IL1RAPL2: variants seen among roughly 807,000 people sequenced by gnomAD.
The protein encoded by IL1RAPL2 is interleukin 1 receptor accessory protein like 2.
IL1RAPL2 carries 3 observed loss-of-function variants against 44.1 expected under a neutral mutation model. That is an observed-to-expected ratio of 0.07 (90% confidence interval 0.03 to 0.18). The LOEUF is 0.18. Ranked by LOEUF, IL1RAPL2 falls within the 10% of genes least tolerant of loss-of-function variation. The probability of loss-of-function intolerance (pLI) is 1.00; values close to 1 mark genes in which losing one functional copy is unlikely to be tolerated. For synonymous variants in IL1RAPL2, 181 were observed against 178.8 expected (o/e 1.01, Z -0.10); for missense variants, 391 against 496.4 (o/e 0.79, Z 2.02).
intron 5 of IL1RAPL2, among the ~76,000 whole-genome samples, chrX:105,322,423 A>C (rs1248747158): frequency 8.9e-6 from 1 of 112,133 alleles, no homozygotes; most frequent in East Asian, 2.8e-4. Flanking sequence ...GTTGAAATCA[A>C]GTTGTTGTTT....
chrX:104,811,121 C>T (rs2147618608), intron 2 of IL1RAPL2, among the ~76,000 whole-genome samples: 1 of 111,293 alleles, frequency 9.0e-6, no homozygotes, highest in African/African-American at 3.3e-5. Context: ...TAGATAGTAC[C>T]TACCTGTAAG....
At chrX:104,853,763 C>T (rs778488586) in intron 2 of IL1RAPL2, among the ~76,000 whole-genome samples, 2 of 108,143 alleles carry the variant, frequency 1.8e-5, no homozygotes, top group East Asian at 5.9e-4. Flanking sequence ...ATTAGCCAGG[C>T]GTGGTAGCGG....
chrX:105,210,874 A>G (rs1351790380), intron 3 of IL1RAPL2, among the ~76,000 whole-genome samples: 3 of 110,602 alleles, frequency 2.7e-5, no homozygotes, highest in African/African-American at 9.9e-5. Context: ...TTGTGTCTCA[A>G]TCTGGTTCAG....
At chrX:105,579,264 G>A (rs1446041529) in intron 6 of IL1RAPL2, among the ~76,000 whole-genome samples, 1 of 110,998 alleles carries the variant, frequency 9.0e-6, no homozygotes, top group African/African-American at 3.3e-5. Context: ...ATTTACATGA[G>A]GAAAACAAAA....
At chrX:105,576,950 C>T (rs1208611346) in intron 6 of IL1RAPL2, among the ~76,000 whole-genome samples, 1 of 111,375 alleles carries the variant, frequency 9.0e-6, no homozygotes. Flanking sequence ...TATGACAAGA[C>T]TGACATGAAA....
intron 2 of IL1RAPL2, among the ~76,000 whole-genome samples, chrX:104,692,555 T>A (rs62589823): frequency 0.38 from 40,288 of 106,575 alleles, 6,060 homozygotes; most frequent in East Asian, 0.46. Context: ...CCTGTGTCCA[T>A]GTGTTCTCAG....
chrX:105,257,814 A>G (rs1314400622), intron 4 of IL1RAPL2, among the ~76,000 whole-genome samples: 4 of 111,976 alleles, frequency 3.6e-5, no homozygotes, highest in Non-Finnish European at 7.5e-5. Flanking sequence ...TTTTGAGCCT[A>G]TGAATATCAT....
chrX:105,086,427 A>G (rs1383437641), intron 2 of IL1RAPL2, among the ~76,000 whole-genome samples: 1 of 111,715 alleles, frequency 9.0e-6, no homozygotes, highest in East Asian at 2.8e-4. Context: ...CATGGAATCT[A>G]AAACAGTTGA....
intron 5 of IL1RAPL2, among the ~76,000 whole-genome samples, chrX:105,338,031 C>G (rs950792692): frequency 1.8e-5 from 2 of 112,169 alleles, no homozygotes; most frequent in Non-Finnish European, 3.8e-5. Flanking sequence ...TTATGAATGG[C>G]AAGACATGGG....
intron 2 of IL1RAPL2, among the ~76,000 whole-genome samples, chrX:105,126,798 A>G: frequency 9.0e-6 from 1 of 110,826 alleles, no homozygotes. Context: ...CAACTGTATT[A>G]TTTTCTGTGA....
At chrX:105,098,896 T>A (rs1263795497) in intron 2 of IL1RAPL2, among the ~76,000 whole-genome samples, 1 of 112,328 alleles carries the variant, frequency 8.9e-6, no homozygotes, top group Non-Finnish European at 1.9e-5. Context: ...TTGGCAAAAG[T>A]TATTTCCAAG....
intron 2 of IL1RAPL2, among the ~76,000 whole-genome samples, chrX:105,080,742 A>G (rs1460310351): frequency 2.7e-5 from 3 of 111,817 alleles, no homozygotes; most frequent in African/African-American, 9.8e-5. Flanking sequence ...AGTTTTTTCC[A>G]ATTCTGTGAA....
chrX:104,631,335 A>G (rs1490067624), intron 1 of IL1RAPL2, among the ~76,000 whole-genome samples: 2 of 111,868 alleles, frequency 1.8e-5, no homozygotes, highest in Non-Finnish European at 3.8e-5. Context: ...ATGATTTATA[A>G]TCCTTTGGGT....
intron 1 of IL1RAPL2, among the ~76,000 whole-genome samples, chrX:104,653,384 T>G (rs930320919): frequency 9.0e-6 from 1 of 111,330 alleles, no homozygotes; most frequent in African/African-American, 3.3e-5. Flanking sequence ...GTCTCGGTCC[T>G]CTTGTCATCT....
chrX:105,102,633 A>G (rs185649614), intron 2 of IL1RAPL2, among the ~76,000 whole-genome samples: 2 of 112,020 alleles, frequency 1.8e-5, no homozygotes. Context: ...TGAAACATAA[A>G]CACATGTATG....
At chrX:105,478,109 G>T (rs1484512434) in intron 5 of IL1RAPL2, among the ~76,000 whole-genome samples, 2 of 110,141 alleles carry the variant, frequency 1.8e-5, no homozygotes, top group Non-Finnish European at 3.8e-5. Flanking sequence ...AGATGGTATT[G>T]CCTGTTACCT....
rs189096926 is a variant in IL1RAPL2, at chrX:105,266,067, G to C, written c.544-1321G>C. Among the ~76,000 whole-genome samples the C allele has an allele frequency of 7.5e-4, 82 of 108,723 alleles. 1 individual carries two copies. Among genetic ancestry groups the C allele is most frequent in the African/African-American group, 2.7e-3 (80 of 29,788 alleles). 94.4% of individuals were successfully genotyped at this position (108,723 alleles called of 115,157 possible). A position where few individuals can be genotyped will look rare whatever the true frequency, so the allele number is the denominator to read the frequency against. On this transcript the variant is annotated intron_variant, in intron 4 of 10. Coordinates refer to ENST00000372582, the MANE Select transcript of IL1RAPL2 (RefSeq NM_017416.2). ...ATACTTTTTTTTTTTTTGAGACAGA[G>C]TCTCATTCTTGTCACCCAGAATAGA...
At chrX:104,994,801 G>T (rs1468951071) in intron 2 of IL1RAPL2, among the ~76,000 whole-genome samples, 1 of 111,098 alleles carries the variant, frequency 9.0e-6, no homozygotes, top group African/African-American at 3.3e-5. Context: ...GAAAATTACT[G>T]TGAGCTCCTT....
At chrX:104,602,263 C>T (rs770674838) in intron 1 of IL1RAPL2, among the ~76,000 whole-genome samples, 4 of 111,330 alleles carry the variant, frequency 3.6e-5, no homozygotes, top group African/African-American at 9.8e-5. Context: ...CAAGGGAAGC[C>T]GTGAGGGACT....
Sources: gnomAD v4.1 joint callset for allele counts (sites outside exome capture counted in the v4.1 genomes callset) on GRCh38, gnomAD v4.1.1 for gene constraint, MANE v1.5 for transcripts, NCBI Gene and HGNC (gene_info 2026-07-23, HGNC 2026-07-21) for gene names.